Variants in ARHGAP10 observed in about 807,000 individuals in gnomAD.
ARHGAP10 encodes Rho GTPase activating protein 10.
Under a neutral mutation model 108.6 loss-of-function variants are expected in ARHGAP10, and 87 were observed. The observed-to-expected ratio is 0.80, with a 90% CI of 0.67 to 0.96. The LOEUF (loss-of-function observed/expected upper bound fraction) is 0.96, where lower values mean the gene tolerates loss of function less well. Ranked by LOEUF, ARHGAP10 falls within the 40% of genes least tolerant of loss-of-function variation. The pLI, the probability that ARHGAP10 is intolerant of heterozygous loss-of-function variation, is 0.00. For missense variants in ARHGAP10, 939 were observed against 954.5 expected (o/e 0.98, Z 0.21); for synonymous variants, 347 against 341.1 (o/e 1.02, Z -0.19).
At chr4:147,840,865 C>A (rs574964751) in intron 3 of ARHGAP10, among the ~76,000 whole-genome samples, 4 of 152,240 alleles carry the variant, frequency 2.6e-5, no homozygotes, top group Non-Finnish European at 5.9e-5. Context: ...TGATTGGCTG[C>A]AAATATTGTA....
chr4:147,779,782 G>A (rs1053486115), intron 1 of ARHGAP10, among the ~76,000 whole-genome samples: 1 of 152,144 alleles, frequency 6.6e-6, no homozygotes, highest in Admixed American at 6.5e-5. Flanking sequence ...CATGCCTTTT[G>A]TTTTGTCTGT....
chr4:147,953,508 C>A (rs1005716027), intron 15 of ARHGAP10, among the ~76,000 whole-genome samples: 1 of 151,936 alleles, frequency 6.6e-6, no homozygotes, highest in Non-Finnish European at 1.5e-5. Flanking sequence ...GACATTTGTC[C>A]ATTTCATCTG....
chr4:147,806,031 ATTT>A (rs1731769669), intron 1 of ARHGAP10, among the ~76,000 whole-genome samples: 1 of 152,110 alleles, frequency 6.6e-6, no homozygotes, highest in Admixed American at 6.5e-5. Context: ...TTATAATAAA[ATTT>A]TTATTTATAA....
intron 18 of ARHGAP10, among the ~76,000 whole-genome samples, chr4:147,976,056 T>C (rs1358141014): frequency 3.3e-5 from 5 of 152,232 alleles, no homozygotes. Context: ...GAGTATCCAC[T>C]GCTTCATTCC....
chr4:147,933,094 A>G (rs1334478538), intron 13 of ARHGAP10, among the ~76,000 whole-genome samples: 5 of 152,166 alleles, frequency 3.3e-5, no homozygotes. Flanking sequence ...AAGTTTGTTG[A>G]GAAGGAAGCT....
chr4:147,829,604 C>G (rs1453283564), intron 3 of ARHGAP10, among the ~76,000 whole-genome samples: 2 of 152,142 alleles, frequency 1.3e-5, no homozygotes, highest in African/African-American at 4.8e-5. Flanking sequence ...TGCAACTGCT[C>G]TACTCACTTC....
intron 22 of ARHGAP10, among the ~76,000 whole-genome samples, chr4:148,070,888 G>GCT (rs1730145034): frequency 6.6e-6 from 1 of 152,222 alleles, no homozygotes; most frequent in African/African-American, 2.4e-5. Context: ...GTTATGAAAT[G>GCT]CTTCTGTATT....
In ARHGAP10 at chr4:147,752,806, C is replaced by T. The variant is rs141579584; in HGVS notation, c.154+20351C>T. 3.2e-3 allele frequency among the ~76,000 whole-genome samples: 481 copies of T among 152,338 alleles called. 4 individuals carry two copies. Among genetic ancestry groups the T allele is most frequent in the African/African-American group, 9.9e-3 (410 of 41,570 alleles). The stretch of plus-strand genomic sequence containing the variant: ...CCTCCCAAAGTGCCGGGATTACAGG[C>T]GTGAGCTGCCGCACCTGGCCTGCTT... On this transcript the variant is annotated intron_variant, in intron 1 of 22. Transcript: ENST00000336498.
chr4:147,823,531 G>A (rs1210687124), intron 3 of ARHGAP10, among the ~76,000 whole-genome samples: 1 of 152,060 alleles, frequency 6.6e-6, no homozygotes, highest in African/African-American at 2.4e-5. Context: ...GCTAAGCTGG[G>A]TGGATTGCAC....
At chr4:147,843,178 A>G (rs887906103) in intron 3 of ARHGAP10, among the ~76,000 whole-genome samples, 1 of 152,172 alleles carries the variant, frequency 6.6e-6, no homozygotes. Flanking sequence ...CCAACCCTCC[A>G]TGCATGCTCA....
chr4:147,918,133 AT>A (rs760617123), intron 13 of ARHGAP10, among the ~76,000 whole-genome samples: 6,695 of 129,844 alleles, frequency 0.052, 203 homozygotes, highest in African/African-American at 0.14. Flanking sequence ...TCTCATTAAG[AT>A]TTTTTTTTTT....
At chr4:148,000,167 C>T (rs1740646266) in intron 18 of ARHGAP10, among the ~76,000 whole-genome samples, 5 of 151,850 alleles carry the variant, frequency 3.3e-5, no homozygotes. Flanking sequence ...TGAGTGAGAA[C>T]ATGTGGTGGT....
intron 18 of ARHGAP10, among the ~76,000 whole-genome samples, chr4:147,984,911 C>T (rs1327192830): frequency 6.6e-6 from 1 of 152,188 alleles, no homozygotes; most frequent in Non-Finnish European, 1.5e-5. Flanking sequence ...ATGGGCAGGC[C>T]AGACCAGGCA....
chr4:147,732,391 G>A lies in ARHGAP10; in HGVS notation c.90G>A (p.Glu30=), dbSNP rs763543464. ...ERIRAHEAEL[E]RTNKFIKELI... The stretch of plus-strand genomic sequence containing the variant: ...TCCGCGCTCACGAAGCGGAACTCGA[G>A]AGGACCAACAAGTTCATCAAAGAGC... The change falls in exon 1 of 23, where the codon GAG becomes GAA. Residue 30 remains glutamate (E), a synonymous_variant. Coordinates refer to ENST00000336498, the MANE Select transcript of ARHGAP10 (RefSeq NM_024605.4). 6.2e-7 allele frequency: 1 copy of A among 1,613,622 alleles called. No individual in the cohort carries two copies. Among genetic ancestry groups the A allele is most frequent in the Non-Finnish European group, 8.5e-7 (1 of 1,179,688 alleles).
chr4:147,867,818 C>T (rs547110005), intron 7 of ARHGAP10, among the ~76,000 whole-genome samples: 25 of 141,194 alleles, frequency 1.8e-4, no homozygotes, highest in Non-Finnish European at 3.3e-4. Flanking sequence ...GATCCGAGAC[C>T]GTGCCACTGC....
intron 14 of ARHGAP10, among the ~76,000 whole-genome samples, chr4:147,943,795 C>T (rs1365650175): frequency 6.6e-6 from 1 of 152,180 alleles, no homozygotes; most frequent in African/African-American, 2.4e-5. Context: ...TGCCTAGTCC[C>T]AGTGCATTCA....
intron 19 of ARHGAP10, among the ~76,000 whole-genome samples, chr4:148,034,317 A>G (rs182076381): frequency 1.8e-4 from 28 of 151,998 alleles, no homozygotes; most frequent in Non-Finnish European, 3.5e-4. Context: ...TCCCTCTGGC[A>G]ATTACTTATT....
intron 13 of ARHGAP10, among the ~76,000 whole-genome samples, chr4:147,925,400 G>T (rs1578696686): frequency 6.6e-6 from 1 of 151,122 alleles, no homozygotes; most frequent in African/African-American, 2.5e-5. Flanking sequence ...AAAAGCAACG[G>T]CCCACTTTTG....
chr4:148,016,325 G>A lies in ARHGAP10; in HGVS notation c.1717-6938G>A, dbSNP rs143368194. Among the ~76,000 whole-genome samples, 384 of 152,082 alleles carry A rather than the reference G, an allele frequency of 2.5e-3. 5 individuals are homozygous for A. The highest frequency in any genetic ancestry group is 7.1e-3 in the African/African-American group (295 of 41,458). Reference sequence around the variant, plus strand: ...TTGAGATTAGCCTGGGTAACAAAACGGACCCTGTCTCTACAAAAACGTTAA... The same window carrying A: ...TTGAGATTAGCCTGGGTAACAAAACAGACCCTGTCTCTACAAAAACGTTAA... On this transcript the variant is annotated intron_variant, in intron 18 of 22. Transcript: ENST00000336498.
Sources: allele counts gnomAD v4.1 joint callset (sites outside exome capture counted in the v4.1 genomes callset), GRCh38; gene constraint gnomAD v4.1.1; transcripts MANE v1.5; gene names NCBI Gene and HGNC (gene_info 2026-07-23, HGNC 2026-07-21).